The following NPAT variants were observed in gnomAD, a reference collection of about 807,000 sequenced individuals.
NPAT encodes protein NPAT.
A neutral mutation model predicts 130.7 loss-of-function variants in NPAT; 52 were observed. The ratio of observed to expected loss-of-function variants is 0.40; its 90% confidence interval spans 0.32 to 0.50. The LOEUF is 0.50. Among genes scored for constraint, NPAT ranks in the 20% least tolerant of loss-of-function variants. The pLI is 0.68. For synonymous variants in NPAT, 580 were observed against 584.8 expected, an observed-to-expected ratio of 0.99 and a Z score of 0.12; for missense variants, 1,687 against 1,662.6, an observed-to-expected ratio of 1.01 and a Z score of -0.26.
chr11:108,220,246 C>CA, intron 1 of NPAT, among the ~76,000 whole-genome samples: 1 of 152,174 alleles, frequency 6.6e-6, no homozygotes, highest in East Asian at 1.9e-4. Context: ...TAGTGAGATG[C>CA]AAAAGTCAGA....
intron 10 of NPAT, among the ~76,000 whole-genome samples, chr11:108,181,727 G>A (rs1224419441): frequency 2.0e-5 from 3 of 150,156 alleles, no homozygotes; most frequent in African/African-American, 4.9e-5. Context: ...GGCCTGCATC[G>A]AGGTCATAAT....
chr11:108,161,239 G>T lies in NPAT; in HGVS notation c.3847C>A (p.Pro1283Thr), dbSNP rs2077844803. The change falls in exon 17 of 18, where the codon CCT becomes ACT. Residue 1283 changes from proline (P) to threonine (T), a missense_variant. Around this residue, in one of 3 missense-constraint regions of NPAT, gnomAD observed 1,379 missense variants for 1,346.6 expected, o/e 1.02. Transcript: ENST00000278612. ...SGAGEKHKEE[P>T]IDIIKAPSSR... ...GAGGGGGCCTTGATAATATCTATAG[G>T]TTCTTCTTTATGTTTTTCCCCTGCC... The T allele has an allele frequency of 6.2e-7, 1 of 1,613,946 alleles. No homozygotes were observed. The highest frequency in any genetic ancestry group is 1.1e-5 in the South Asian group (1 of 91,086).
rs191428753 is a variant in NPAT at position 108,188,309 on chromosome 11, T to C, written c.557-130A>G. 280 of 731,444 alleles carry C rather than the reference T, an allele frequency of 3.8e-4. 1 individual carries two copies. Among genetic ancestry groups the C allele is most frequent in the Admixed American group, 1.5e-3 (70 of 46,646 alleles). 45.3% of individuals were successfully genotyped at this position (731,444 alleles called of 1,614,324 possible). ...ATTAACATGTACTGAGTGCCTACCATGTGTAAAGCATGGTAAAAGACACTA... is the reference window on the plus strand; with the variant it reads ...ATTAACATGTACTGAGTGCCTACCACGTGTAAAGCATGGTAAAAGACACTA... On this transcript the variant is annotated intron_variant, in intron 6 of 17. Coordinates refer to ENST00000278612, the MANE Select transcript of NPAT (RefSeq NM_002519.3).
chr11:108,162,263 A>C, intron 15 of NPAT, 83 bp from the exon 16 acceptor site: 96 of 1,279,816 alleles, frequency 7.5e-5, no homozygotes, highest in Non-Finnish European at 9.8e-5. Context: ...ATCACATATC[A>C]TGAGAAAAAA....
At chr11:108,198,457 A>G (rs1209245630) in intron 1 of NPAT, among the ~76,000 whole-genome samples, 2 of 152,006 alleles carry the variant, frequency 1.3e-5, no homozygotes, top group Non-Finnish European at 2.9e-5. Flanking sequence ...ACAACATAGA[A>G]AATATGAATA....
At chr11:108,210,699 A>T (rs1413040486) in intron 1 of NPAT, among the ~76,000 whole-genome samples, 1 of 152,262 alleles carries the variant, frequency 6.6e-6, no homozygotes. Flanking sequence ...ACCTATAACA[A>T]GAAATGGAAT....
At chr11:108,183,183 C>T (rs2078073737) in intron 10 of NPAT, among the ~76,000 whole-genome samples, 1 of 151,792 alleles carries the variant, frequency 6.6e-6, no homozygotes, top group African/African-American at 2.4e-5. Context: ...GATGAGGTCT[C>T]ATTATGTTGT....
rs569069261 is a variant in NPAT, at chr11:108,170,477, C to T, written c.2786-434G>A. Among the ~76,000 whole-genome samples the T allele has an allele frequency of 2.1e-4, 32 of 152,296 alleles. No homozygotes were observed. The South Asian group carries it at 5.8e-3, about 28-fold the overall frequency. On this transcript the variant is annotated intron_variant, in intron 13 of 17. Coordinates refer to ENST00000278612, the MANE Select transcript of NPAT (RefSeq NM_002519.3). Reference sequence around the variant, plus strand: ...CTGAATATTTATACCCAGGACTACACTTGTAACCCCAACCTATTACATATC... The same window carrying T: ...CTGAATATTTATACCCAGGACTACATTTGTAACCCCAACCTATTACATATC...
rs368767835 is a variant in NPAT at position 108,186,500 on chromosome 11, G to A, written c.708C>T (p.Asn236=). The A allele has an allele frequency of 2.1e-5, 34 of 1,613,838 alleles. No individual in the cohort carries two copies. Among genetic ancestry groups the A allele is most frequent in the African/African-American group, 1.9e-4 (14 of 74,916 alleles). The part of the protein sequence containing the change: ...HSTIRNFQDP[N]AFAVEKQMVI... ...CACTTACTTTTTCTACTGCAAAAGC[G>A]TTTGGATCTTGGAAATTCCGTATTG... The change falls in exon 8 of 18, where the codon AAC becomes AAT. Residue 236 remains asparagine (N), a synonymous_variant. Coordinates refer to ENST00000278612, the MANE Select transcript of NPAT (RefSeq NM_002519.3).
chr11:108,212,707 G>C (rs917145756), intron 1 of NPAT, among the ~76,000 whole-genome samples: 1 of 151,944 alleles, frequency 6.6e-6, no homozygotes, highest in Non-Finnish European at 1.5e-5. Context: ...CACTCTGGGA[G>C]GCCAAGGCAG....
At chr11:108,190,146 C>T (rs1316821617) in intron 5 of NPAT, among the ~76,000 whole-genome samples, 5 of 150,878 alleles carry the variant, frequency 3.3e-5, no homozygotes, top group Non-Finnish European at 7.4e-5. Flanking sequence ...CCCATCTCTA[C>T]TAAAAATACA....
intron 5 of NPAT, among the ~76,000 whole-genome samples, chr11:108,190,238 G>A (rs930500981): frequency 4.8e-5 from 7 of 145,560 alleles, no homozygotes; most frequent in South Asian, 2.2e-4. Context: ...GCTTGAACCC[G>A]GGAGGTGGAG....
intron 1 of NPAT, among the ~76,000 whole-genome samples, chr11:108,217,295 A>C (rs1404206480): frequency 1.4e-4 from 22 of 152,200 alleles, no homozygotes; most frequent in Non-Finnish European, 1.5e-5. Context: ...GAACTGGACT[A>C]ACTGGGTAAG....
intron 10 of NPAT, among the ~76,000 whole-genome samples, chr11:108,182,737 G>A (rs1460868399): frequency 2.0e-5 from 3 of 152,218 alleles, no homozygotes; most frequent in African/African-American, 7.2e-5. Flanking sequence ...TGATCCACCT[G>A]CCTCAGCCTC....
chr11:108,177,059 T>C lies in NPAT; in HGVS notation c.938A>G (p.Gln313Arg), dbSNP rs1026724368. 5.0e-6 allele frequency: 8 copies of C among 1,613,012 alleles called. No homozygotes were observed. The highest frequency in any genetic ancestry group is 4.0e-5 in the African/African-American group (3 of 75,028). ...SEIHMSEEAI[Q>R]DILEQTESDP... The stretch of plus-strand genomic sequence containing the variant: ...TGATTCTGTCTGTTCCAATATGTCC[T>C]GTATAGCTTCTTCAGACATGTGAAT... Residue 313 changes from glutamine (Q) to arginine (R), a missense_variant, in exon 11 of 18, where the codon CAG becomes CGG. Around this residue, in one of 3 missense-constraint regions of NPAT, gnomAD observed 1,379 missense variants for 1,346.6 expected, o/e 1.02. Transcript: ENST00000278612.
In NPAT at chr11:108,220,442, A is replaced by T. The variant is rs181722348; in HGVS notation, c.37+2058T>A. ...TTTTTGTGTGTATGTTTAAGAATTT[A>T]AAAAAAACCTAATTATCTGAACACT... On this transcript the variant is annotated intron_variant, in intron 1 of 17. Coordinates refer to ENST00000278612, the MANE Select transcript of NPAT (RefSeq NM_002519.3). Among the ~76,000 whole-genome samples, 28 of 152,138 alleles carry T rather than the reference A, an allele frequency of 1.8e-4. No individual in the cohort carries two copies. In the East Asian group the frequency reaches 2.7e-3, roughly 15 times the overall value.
At chr11:108,219,359 T>C (rs184019720) in intron 1 of NPAT, among the ~76,000 whole-genome samples, 43 of 152,336 alleles carry the variant, frequency 2.8e-4, no homozygotes, top group Non-Finnish European at 4.6e-4. Flanking sequence ...AGTGGCTTCC[T>C]ACTGTTGCTA....
rs1351362412 is a variant in NPAT at position 108,157,675 on chromosome 11, G to GA, written c.*1266dup. On this transcript the variant is annotated 3_prime_UTR_variant, in exon 18 of 18. Transcript: ENST00000278612. Reference sequence around the variant, plus strand: ...CTCTTCAACAAAATATACACCTGTAGAAAAAAATCCCTAATATACTGATAT... The same window carrying GA: ...CTCTTCAACAAAATATACACCTGTAGAAAAAAAATCCCTAATATACTGATAT... 3 of 152,140 alleles carry GA rather than the reference G, an allele frequency of 2.0e-5. No homozygotes were observed. The highest frequency in any genetic ancestry group is 4.8e-5 in the African/African-American group (2 of 41,532). The allele number at this position is 152,140 out of a possible 1,614,324, so 9.4% of individuals were successfully genotyped here.
chr11:108,209,344 G>A (rs2134892580), intron 1 of NPAT, among the ~76,000 whole-genome samples: 1 of 152,238 alleles, frequency 6.6e-6, no homozygotes, highest in South Asian at 2.1e-4. Flanking sequence ...GGTGGCATAT[G>A]CCTATAATCC....
Sources: gnomAD v4.1 joint callset for allele counts (sites outside exome capture counted in the v4.1 genomes callset) on GRCh38, gnomAD v4.1.1 for gene constraint, gnomAD v4.1.1 regional missense constraint, MANE v1.5 for transcripts, NCBI Gene and HGNC (gene_info 2026-07-23, HGNC 2026-07-21) for gene names.